Variants in PRORP observed in about 807,000 individuals in gnomAD.
PRORP encodes the protein mitochondrial ribonuclease P catalytic subunit.
PRORP carries 51 observed loss-of-function variants against 59.4 expected under a neutral mutation model. That is an observed-to-expected ratio of 0.86 (90% confidence interval 0.69 to 1.08). PRORP has a LOEUF of 1.08. Among genes scored for constraint, PRORP ranks in the 50% least tolerant of loss-of-function variants. The probability of loss-of-function intolerance (pLI) is 0.00; values close to 1 mark genes in which losing one functional copy is unlikely to be tolerated. For synonymous variants in PRORP, 231 were observed against 245.6 expected (o/e 0.94, Z 0.55); for missense variants, 646 against 690.3 (o/e 0.94, Z 0.72).
rs2051253940 is a variant in PRORP, at chr14:35,273,697, A to G, written c.*131A>G. 3 of 768,518 alleles carry G rather than the reference A, an allele frequency of 3.9e-6. No homozygotes were observed. The highest frequency in any genetic ancestry group is 1.8e-5 in the African/African-American group (1 of 55,852). 47.6% of individuals were successfully genotyped at this position (768,518 alleles called of 1,614,324 possible). ...AAAGGATTCTATTAACAGCATTGAC[A>G]TTGATTTTTTAATGAAATGAGATAT... On this transcript the variant is annotated 3_prime_UTR_variant, in exon 8 of 8. Coordinates refer to ENST00000534898, the MANE Select transcript of PRORP (RefSeq NM_014672.4).
chr14:35,219,654 T>G (rs946950402), intron 5 of PRORP, among the ~76,000 whole-genome samples: 3 of 152,242 alleles, frequency 2.0e-5, no homozygotes, highest in Non-Finnish European at 4.4e-5. Flanking sequence ...CTTCATGCAT[T>G]GGTTAGAGAT....
chr14:35,127,510 G>T lies in PRORP; in HGVS notation c.1066G>T (p.Glu356Ter). The T allele has an allele frequency of 6.2e-7, 1 of 1,611,610 alleles. No homozygotes were observed. The highest frequency in any genetic ancestry group is 2.2e-5 in the East Asian group (1 of 44,738). The stretch of plus-strand genomic sequence containing the variant: ...GTGTTCGGGCTGTGGAAAAACCATA[G>T]AGTCTATTCAGCTGAGTCCAGAAGA... ...GQCSGCGKTI[E>*]SIQLSPEEYE... Residue 356 changes from glutamate to a stop codon, truncating the protein, a stop_gained, in exon 4 of 8, where the codon GAG becomes TAG. Transcript: ENST00000534898. LOFTEE classifies it high-confidence loss of function.
intron 4 of PRORP, among the ~76,000 whole-genome samples, chr14:35,150,925 C>G (rs762111211): frequency 2.0e-5 from 3 of 152,168 alleles, no homozygotes; most frequent in Non-Finnish European, 4.4e-5. Flanking sequence ...AGATACTTGA[C>G]TTTTCTTGTG....
intron 5 of PRORP, among the ~76,000 whole-genome samples, chr14:35,220,095 T>G (rs576875659): frequency 6.6e-6 from 1 of 152,292 alleles, no homozygotes; most frequent in African/African-American, 2.4e-5. Flanking sequence ...AAAAGATCCT[T>G]TTCCCAAATA....
chr14:35,243,497 C>G (rs2050412648), intron 5 of PRORP, among the ~76,000 whole-genome samples: 1 of 150,464 alleles, frequency 6.6e-6, no homozygotes, highest in African/African-American at 2.5e-5. Flanking sequence ...GATCACACCA[C>G]TGCACTCCAG....
intron 4 of PRORP, among the ~76,000 whole-genome samples, chr14:35,140,006 T>C (rs1400107508): frequency 6.9e-6 from 1 of 145,646 alleles, no homozygotes; most frequent in Non-Finnish European, 1.5e-5. Context: ...CATCTCTTCC[T>C]CTTATAAGGC....
At chr14:35,227,083 C>T (rs575741442) in intron 5 of PRORP, among the ~76,000 whole-genome samples, 1 of 151,814 alleles carries the variant, frequency 6.6e-6, no homozygotes, top group African/African-American at 2.4e-5. Flanking sequence ...TTTTGGTTAT[C>T]TCTAAAATCA....
intron 5 of PRORP, 56 bp from the exon 6 acceptor site, chr14:35,266,671 C>T (rs2051050327): frequency 1.3e-6 from 2 of 1,588,202 alleles, no homozygotes; most frequent in South Asian, 2.3e-5. Context: ...AAAATCACTC[C>T]ACTAATTTGA....
intron 5 of PRORP, among the ~76,000 whole-genome samples, chr14:35,211,542 C>T (rs1246357118): frequency 1.3e-5 from 2 of 152,140 alleles, no homozygotes; most frequent in Non-Finnish European, 2.9e-5. Flanking sequence ...GGTTCCAAAC[C>T]ACTGCAATAA....
At chr14:35,201,348 A>G (rs963271608) in intron 5 of PRORP, among the ~76,000 whole-genome samples, 4 of 151,980 alleles carry the variant, frequency 2.6e-5, no homozygotes, top group African/African-American at 9.7e-5. Flanking sequence ...GTTATGTTTC[A>G]CTTCCTTGAG....
At chr14:35,151,212 G>T (rs1381997855) in intron 4 of PRORP, among the ~76,000 whole-genome samples, 2 of 151,998 alleles carry the variant, frequency 1.3e-5, no homozygotes, top group African/African-American at 4.8e-5. Flanking sequence ...TAGGATTTTT[G>T]ATTTAGTTTT....
At chr14:35,263,246 T>C (rs949113066) in intron 5 of PRORP, among the ~76,000 whole-genome samples, 3 of 152,220 alleles carry the variant, frequency 2.0e-5, no homozygotes, top group Non-Finnish European at 4.4e-5. Flanking sequence ...TTTTCAAATA[T>C]GAGCTACTTT....
chr14:35,166,606 C>T (rs546608682), intron 4 of PRORP, among the ~76,000 whole-genome samples: 3 of 151,996 alleles, frequency 2.0e-5, no homozygotes, highest in East Asian at 1.9e-4. Flanking sequence ...CGTGCCACCA[C>T]GCCCAGCTAA....
At chr14:35,177,736 C>G (rs1043688968) in intron 4 of PRORP, among the ~76,000 whole-genome samples, 7 of 152,030 alleles carry the variant, frequency 4.6e-5, no homozygotes, top group Admixed American at 4.6e-4. Context: ...TTTTGTGTCT[C>G]TGTCTCTTTC....
intron 5 of PRORP, among the ~76,000 whole-genome samples, chr14:35,205,364 T>C (rs1191957395): frequency 1.3e-5 from 2 of 152,096 alleles, no homozygotes; most frequent in East Asian, 3.9e-4. Flanking sequence ...TTGTATTTTA[T>C]TTTTTAGTAG....
At chr14:35,132,136 G>A (rs1244014413) in intron 4 of PRORP, among the ~76,000 whole-genome samples, 1 of 151,198 alleles carries the variant, frequency 6.6e-6, no homozygotes, top group Non-Finnish European at 1.5e-5. Flanking sequence ...ACTGCGCCCA[G>A]CCCCAATCCT....
intron 5 of PRORP, among the ~76,000 whole-genome samples, chr14:35,224,200 A>T (rs893285588): frequency 9.2e-5 from 14 of 152,226 alleles, no homozygotes; most frequent in African/African-American, 3.4e-4. Context: ...CTTCAAAAAT[A>T]GAAAACTTTT....
intron 4 of PRORP, among the ~76,000 whole-genome samples, chr14:35,150,321 A>C (rs543565594): frequency 6.6e-6 from 1 of 152,304 alleles, no homozygotes; most frequent in African/African-American, 2.4e-5. Context: ...GCCTGAACAG[A>C]GGGAGAAAGA....
chr14:35,265,612 G>A (rs2051017989), intron 5 of PRORP, among the ~76,000 whole-genome samples: 1 of 152,124 alleles, frequency 6.6e-6, no homozygotes, highest in Non-Finnish European at 1.5e-5. Context: ...CAGATCTTTA[G>A]TAGAAAAGGG....
Sources: gnomAD v4.1 joint callset for allele counts (sites outside exome capture counted in the v4.1 genomes callset) on GRCh38, gnomAD v4.1.1 for gene constraint, MANE v1.5 for transcripts, NCBI Gene and HGNC (gene_info 2026-07-23, HGNC 2026-07-21) for gene names.